The following FN1 variants were observed in gnomAD, a reference collection of about 807,000 sequenced individuals.
The protein encoded by FN1 is fibronectin.
In FN1, 106 loss-of-function variants were observed where a neutral mutation model predicts 297.3. That is an observed-to-expected ratio of 0.36 (90% confidence interval 0.30 to 0.42). FN1 has a LOEUF of 0.42. Among genes scored for constraint, FN1 ranks in the 10% least tolerant of loss-of-function variants. FN1 has a pLI of 1.00. For synonymous variants in FN1, 1,149 were observed against 1,152.6 expected (o/e 1.00, Z 0.06); for missense variants, 2,690 against 3,124.9 (o/e 0.86, Z 3.32).
At chr2:215,401,327 G>T (rs2061139619) in intron 20 of FN1, among the ~76,000 whole-genome samples, 1 of 150,584 alleles carries the variant, frequency 6.6e-6, no homozygotes, top group Admixed American at 6.6e-5. Context: ...GAAAGAGAAA[G>T]AAAGAAAGGG....
At chr2:215,362,216 G>C (rs2053604267) in intron 44 of FN1, 137 bp from the exon 45 acceptor site, 1 of 700,980 alleles carries the variant, frequency 1.4e-6, no homozygotes, top group Admixed American at 2.0e-5. Context: ...AGCAAGCTTT[G>C]ATGATGATTT....
chr2:215,392,856 C>A (rs191100696), intron 25 of FN1, 75 bp downstream of exon 25: 189 of 1,533,380 alleles, frequency 1.2e-4, no homozygotes, highest in Middle Eastern at 9.3e-4. Flanking sequence ...ATGAAACATC[C>A]ATATTTAACC....
chr2:215,424,819 A>G (rs1190945280), intron 7 of FN1, among the ~76,000 whole-genome samples: 1 of 152,248 alleles, frequency 6.6e-6, no homozygotes, highest in Admixed American at 6.5e-5. Context: ...AATATAAAAC[A>G]TTGATGATTA....
In FN1 at chr2:215,409,498, A is replaced by AC. The variant is rs1194740081; in HGVS notation, c.2299+64dup. The AC allele has an allele frequency of 1.7e-5, 25 of 1,512,584 alleles. No homozygotes were observed. In the East Asian group the frequency reaches 3.2e-4, roughly 19 times the overall value. The allele number at this position is 1,512,584 out of a possible 1,614,324, so 93.7% of individuals were successfully genotyped here. A position where few individuals can be genotyped will look rare whatever the true frequency, so the allele number is the denominator to read the frequency against. ...GATACCACCTGCCTAGAGGCCACCC[A>AC]CCCCCACAAGGAGAGTTTTCCAGCA... On this transcript the variant is annotated intron_variant, in intron 15 of 45. Coordinates refer to ENST00000354785, the MANE Select transcript of FN1 (RefSeq NM_212482.4).
intron 27 of FN1, among the ~76,000 whole-genome samples, chr2:215,387,297 A>T (rs1249326804): frequency 6.6e-6 from 1 of 152,222 alleles, no homozygotes; most frequent in African/African-American, 2.4e-5. Context: ...GACATTTTCA[A>T]ATTCTTCAGT....
At chr2:215,379,446 T>C in intron 33 of FN1, 129 bp from the exon 34 acceptor site, 1 of 676,166 alleles carries the variant, frequency 1.5e-6, no homozygotes, top group Non-Finnish European at 2.5e-6. Context: ...AAGCAAAGAT[T>C]CAGTACAAGA....
At chr2:215,420,132 G>T (rs796976504) in intron 11 of FN1, among the ~76,000 whole-genome samples, 39 of 152,232 alleles carry the variant, frequency 2.6e-4, no homozygotes, top group African/African-American at 8.9e-4. Context: ...GTAAGGAAGT[G>T]AGTTTGAGAC....
Position 215,406,351 on chromosome 2 carries a change from C to T in FN1, c.2873G>A (p.Arg958Lys). The T allele has an allele frequency of 6.2e-7, 1 of 1,614,214 alleles. No homozygotes were observed. Among genetic ancestry groups the T allele is most frequent in the Non-Finnish European group, 8.5e-7 (1 of 1,180,048 alleles). The change falls in exon 19 of 46, where the codon AGG becomes AAG. Residue 958 changes from arginine (R) to lysine (K), a missense_variant. Physicochemically the swap from Arg to Lys is conservative, Grantham distance 26. Coordinates refer to ENST00000354785, the MANE Select transcript of FN1 (RefSeq NM_212482.4). ...CCCGGTGACTTCTGCAAAGGTGTTC[C>T]TGCTGATGGGCAGCCTCTGCCCGTG... ...GEHGQRLPIS[R>K]NTFAEVTGLS...
At chr2:215,373,552 A>C in intron 38 of FN1, 141 bp from the exon 39 acceptor site, 1 of 710,608 alleles carries the variant, frequency 1.4e-6, no homozygotes, top group East Asian at 2.7e-5. Context: ...AATCGACTTC[A>C]CTTTTCCTCC....
At position 215,409,960 on chromosome 2, in the gene FN1, G is replaced by C. The variant is rs1215485463; in HGVS notation, c.2096C>G (p.Thr699Ser). 1.9e-6 allele frequency: 3 copies of C among 1,613,912 alleles called. No individual in the cohort carries two copies. The highest frequency in any genetic ancestry group is 2.5e-6 in the Non-Finnish European group (3 of 1,179,992). Residue 699 changes from threonine (T) to serine (S), a missense_variant, in exon 14 of 46, where the codon ACC (threonine) becomes AGC (serine). Thr to Ser is a moderately conservative substitution (Grantham distance 58, BLOSUM62 1). Coordinates refer to ENST00000354785, the MANE Select transcript of FN1 (RefSeq NM_212482.4). ...GGTCACAGGTGTGCTGGTGCTGGTG[G>C]TGGTGAAGTCAAAGCGAGTCACTTC... is the stretch of plus-strand genomic sequence containing the variant. ...HQEVTRFDFT[T>S]TSTSTPVTSN...
intron 9 of FN1, among the ~76,000 whole-genome samples, chr2:215,422,768 G>C (rs559043053): frequency 6.6e-6 from 1 of 152,134 alleles, no homozygotes; most frequent in Non-Finnish European, 1.5e-5. Context: ...AAATTAAAGG[G>C]AATCTATGGG....
Position 215,365,603 on chromosome 2 carries a change from T to C in FN1, c.7046A>G (p.Tyr2349Cys). ...SRWCHDNGVN[Y>C]KIGEKWDRQG... ...ACGGTCCCACTTCTCTCCAATCTTG[T>C]AGTTCACACCATTGTCATGGCACCA... The change falls in exon 43 of 46, where the codon TAC becomes TGC. Residue 2349 changes from tyrosine to cysteine, a missense_variant. This residue lies in a region of FN1 where 1,743 missense variants were observed against 1,945.2 expected (regional missense o/e 0.90). Transcript: ENST00000354785. 3.1e-6 allele frequency: 5 copies of C among 1,614,114 alleles called. No homozygotes were observed. The highest frequency in any genetic ancestry group is 3.4e-6 in the Non-Finnish European group (4 of 1,179,974).
chr2:215,381,035 T>TC lies in FN1; in HGVS notation c.5209dup (p.Asp1737GlyfsTer25), dbSNP rs1559384912. ...GCTTTCCCAAGCAATTTTGATGGAA[T>TC]CGACATCCACATCAGTGAATGCCAG... On this transcript the variant is annotated frameshift_variant, in exon 33 of 46. Coordinates refer to ENST00000354785, the MANE Select transcript of FN1 (RefSeq NM_212482.4). LOFTEE classifies it high-confidence loss of function. 1 of 1,614,246 alleles carries TC rather than the reference T, an allele frequency of 6.2e-7. No homozygotes were observed.
At chr2:215,391,977 TTAAAAA>T in intron 25 of FN1, 163 bp from the exon 26 acceptor site, 2 of 674,740 alleles carry the variant, frequency 3.0e-6, no homozygotes, top group Non-Finnish European at 5.2e-6. Context: ...TGTACTACTG[TTAAAAA>T]TAAAACACTA....
chr2:215,430,573 T>A, intron 5 of FN1, 142 bp downstream of exon 5: 1 of 894,914 alleles, frequency 1.1e-6, no homozygotes, highest in East Asian at 2.7e-5. Flanking sequence ...AAGTTGGTTA[T>A]GAAAGTTTTC....
chr2:215,364,014 C>T (rs1272568642), intron 44 of FN1, among the ~76,000 whole-genome samples: 1 of 152,190 alleles, frequency 6.6e-6, no homozygotes, highest in Non-Finnish European at 1.5e-5. Flanking sequence ...CTGCTTTCTC[C>T]CCTCCCAACT....
chr2:215,373,930 C>T (rs1007792950), intron 38 of FN1, among the ~76,000 whole-genome samples: 1 of 152,098 alleles, frequency 6.6e-6, no homozygotes, highest in African/African-American at 2.4e-5. Context: ...GATCTGCCTG[C>T]CTCGGCCTCC....
chr2:215,420,986 C>CA, intron 10 of FN1, 185 bp from the exon 11 acceptor site: 2 of 623,732 alleles, frequency 3.2e-6, no homozygotes, highest in Non-Finnish European at 2.7e-6. Context: ...CAATTTTTGC[C>CA]AAAAAAATTT....
Position 215,430,715 on chromosome 2 carries a change from T to C in FN1, c.685A>G (p.Asn229Asp). 3.1e-6 allele frequency: 5 copies of C among 1,613,982 alleles called. No homozygotes were observed. The highest frequency in any genetic ancestry group is 3.4e-6 in the Non-Finnish European group (4 of 1,179,892). Residue 229 changes from asparagine to aspartate, a missense_variant and splice_region_variant, in exon 5 of 46, where the codon AAT becomes GAT. Physicochemically the swap from Asn to Asp is conservative, Grantham distance 23. This residue lies in a region of FN1 where 876 missense variants were observed against 1,058.1 expected (regional missense o/e 0.83). Coordinates refer to ENST00000354785, the MANE Select transcript of FN1 (RefSeq NM_212482.4). ...GSGRITCTSR[N>D]RCNDQDTRTS... ...TTTAACATAAAGATGTAAAACATAC[T>C]TCTAGAAGTGCAAGTGATGCGTCCG...
Sources: gnomAD v4.1 joint callset for allele counts (sites outside exome capture counted in the v4.1 genomes callset) on GRCh38, gnomAD v4.1.1 for gene constraint, gnomAD v4.1.1 regional missense constraint, MANE v1.5 for transcripts, NCBI Gene and HGNC (gene_info 2026-07-23, HGNC 2026-07-21) for gene names.